TSC2: variants seen among roughly 807,000 people sequenced by gnomAD.
TSC2 encodes the protein TSC complex subunit 2.
In TSC2, 29 loss-of-function variants were observed where a neutral mutation model predicts 202.2. The ratio of observed to expected loss-of-function variants is 0.14; its 90% CI spans 0.11 to 0.20. TSC2 has a LOEUF of 0.20. TSC2 is among the 10% of genes least tolerant of loss of function. The pLI, the probability that TSC2 is intolerant of heterozygous loss-of-function variation, is 1.00. For synonymous variants in TSC2, 1,349 were observed against 1,044.0 expected, an observed-to-expected ratio of 1.29 and a Z score of -5.63; for missense variants, 2,429 against 2,420.0, an observed-to-expected ratio of 1.00 and a Z score of -0.08.
chr16:2,082,387 T>G (rs1567513431), intron 31 of TSC2, 49 bp from the exon 32 acceptor site: 2 of 1,601,798 alleles, frequency 1.2e-6, no homozygotes, highest in South Asian at 2.2e-5. Context: ...TCGACCTGTG[T>G]GTAGCCCCTC....
chr16:2,055,339 G>T (rs1596270045), intron 5 of TSC2, 63 bp from the exon 6 acceptor site: 5 of 1,275,692 alleles, frequency 3.9e-6, no homozygotes, highest in Non-Finnish European at 5.7e-6. Context: ...TGCGGCGGGA[G>T]GGGGAGGTGA....
chr16:2,088,976 C>CCTAG lies in TSC2; in HGVS notation c.*367_*370dup, dbSNP rs1258541403. The CCTAG allele has an allele frequency of 3.3e-6, 1 of 306,956 alleles. No individual in the cohort carries two copies. The highest frequency in any genetic ancestry group is 4.8e-5 in the Admixed American group (1 of 20,940). 19.0% of individuals were successfully genotyped at this position (306,956 alleles called of 1,614,324 possible). A position where few individuals can be genotyped will look rare whatever the true frequency, so the allele number is the denominator to read the frequency against. On this transcript the variant is annotated 3_prime_UTR_variant, in exon 42 of 42. Transcript: ENST00000219476. ...AACCACCCTGGGGTCCTCTGACATG[C>CCTAG]CTAGTCCTGCTACTTGCCCAGACCT...
chr16:2,057,096 G>T lies in TSC2; in HGVS notation c.775-9G>T, dbSNP rs1596280442. 6.4e-7 allele frequency: 1 copy of T among 1,551,200 alleles called. No homozygotes were observed. The highest frequency in any genetic ancestry group is 1.2e-5 in the South Asian group (1 of 84,072). ...CCTGCCAGCCCCTGACACGCATTGT[G>T]TCTCGCAGCTGATGCGGAACCTCCT... On this transcript the variant is annotated splice_polypyrimidine_tract_variant and intron_variant, in intron 8 of 41. Transcript: ENST00000219476.
At chr16:2,048,372 A>G in intron 1 of TSC2, 1 of 844,640 alleles carries the variant, frequency 1.2e-6, no homozygotes, top group Non-Finnish European at 2.0e-6. Context: ...GCGTCTGAGT[A>G]GAGAGCTCTC....
chr16:2,055,834 T>C (rs943307167), intron 6 of TSC2: 1 of 452,950 alleles, frequency 2.2e-6, no homozygotes, highest in Non-Finnish European at 4.0e-6. Context: ...GAGGTTGCAG[T>C]GAGCGGAGAT....
intron 15 of TSC2, 155 bp downstream of exon 15, chr16:2,064,582 T>C: frequency 9.1e-7 from 1 of 1,095,368 alleles, no homozygotes; most frequent in Non-Finnish European, 1.3e-6. Context: ...CCGAGGCCTG[T>C]GCAGGGCCTG....
At position 2,089,118 on chromosome 16, in the gene TSC2, C is replaced by T. The variant is rs1383841911; in HGVS notation, c.*508C>T. 1.7e-5 allele frequency: 3 copies of T among 174,250 alleles called. No homozygotes were observed. The highest frequency in any genetic ancestry group is 3.7e-5 in the Non-Finnish European group (3 of 81,178). 10.8% of individuals were successfully genotyped at this position (174,250 alleles called of 1,614,324 possible). ...GACAGCTGTGCCCCCAGCACCGGCC[C>T]AAGGCCAAGCTCGCATCCAAGCAGC... is the stretch of plus-strand genomic sequence containing the variant. On this transcript the variant is annotated 3_prime_UTR_variant, in exon 42 of 42. Coordinates refer to ENST00000219476, the MANE Select transcript of TSC2 (RefSeq NM_000548.5).
In TSC2 at chr16:2,063,345, G is replaced by C. The variant is rs546969200; in HGVS notation, c.1443+292G>C. 377 of 556,682 alleles carry C rather than the reference G, an allele frequency of 6.8e-4. 4 individuals carry two copies. In the Middle Eastern group the frequency reaches 7.8e-3, roughly 12 times the overall value. The allele number at this position is 556,682 out of a possible 1,614,324, so 34.5% of individuals were successfully genotyped here. A position where few individuals can be genotyped will look rare whatever the true frequency, so the allele number is the denominator to read the frequency against. On this transcript the variant is annotated intron_variant, in intron 14 of 41. Transcript: ENST00000219476. ...AACACAGGAGCCTCTTAAAAATTCT[G>C]TGTGAGTTCGTTTCAGCCAGTCTTG...
Position 2,064,425 on chromosome 16 carries a change from A to G in TSC2, c.1597A>G (p.Lys533Glu). 6.2e-7 allele frequency: 1 copy of G among 1,613,412 alleles called. No homozygotes were observed. The highest frequency in any genetic ancestry group is 8.5e-7 in the Non-Finnish European group (1 of 1,180,012). Residue 533 changes from lysine to glutamate, a missense_variant and splice_region_variant, in exon 15 of 42, where the codon AAG (lysine) becomes GAG (glutamate). Lys to Glu is a moderately conservative substitution (Grantham distance 56). Coordinates refer to ENST00000219476, the MANE Select transcript of TSC2 (RefSeq NM_000548.5). ...CAACAGCCTGCTGGACATCATCGAG[A>G]AGGTGAGAGCCGTTGTACCCGGGGC... ...HFNSLLDIIE[K>E]VMARSLSPPP...
rs1238527126 is a variant in TSC2 at position 2,079,678 on chromosome 16, T to TG, written c.3397+11dup. Reference sequence around the variant, plus strand: ...GGTCCGTTCCATGTCGGGTGAGCCTTGGCCCCAGCCACCTCCACACAGGCA... The same window carrying TG: ...GGTCCGTTCCATGTCGGGTGAGCCTTGGGCCCCAGCCACCTCCACACAGGCA... On this transcript the variant is annotated intron_variant, in intron 29 of 41. Transcript: ENST00000219476. This position sits in a 1 kb window ranked among gnomAD's most constrained non-coding sequence, Gnocchi z 4.6. 4 of 1,574,922 alleles carry TG rather than the reference T, an allele frequency of 2.5e-6. No homozygotes were observed. The highest frequency in any genetic ancestry group is 3.4e-6 in the Non-Finnish European group (4 of 1,161,528).
At position 2,077,852 on chromosome 16, in the gene TSC2, G is replaced by A. The variant is rs2089623209; in HGVS notation, c.2966+126G>A. The A allele has an allele frequency of 5.3e-6, 8 of 1,520,208 alleles. No homozygotes were observed. The African/African-American group carries it at 1.1e-4, about 21-fold the overall frequency. The allele number at this position is 1,520,208 out of a possible 1,614,324, so 94.2% of individuals were successfully genotyped here. ...CCGTGTCCTCCCTGGCCAGCCCAGG[G>A]GGAGCCGGTGACGAGGGGTGGAAAG... On this transcript the variant is annotated intron_variant, in intron 26 of 41. Transcript: ENST00000219476.
intron 11 of TSC2, chr16:2,061,561 A>G: frequency 2.2e-6 from 1 of 456,108 alleles, no homozygotes; most frequent in Non-Finnish European, 4.1e-6. Flanking sequence ...GGCACAGCCA[A>G]GATTCCTTGG....
At chr16:2,054,120 C>T (rs888011502) in intron 4 of TSC2, 176 bp from the exon 5 acceptor site, 1 of 1,001,774 alleles carries the variant, frequency 1.0e-6, no homozygotes, top group African/African-American at 1.6e-5. Context: ...GCCGGTGCAT[C>T]CGGCCCCCTG....
At chr16:2,082,255 A>C (rs911203827) in intron 31 of TSC2, 181 bp from the exon 32 acceptor site, 1 of 681,776 alleles carries the variant, frequency 1.5e-6, no homozygotes, top group Non-Finnish European at 2.6e-6. Context: ...GGGAGGAGGG[A>C]GGCACTGCCC....
intron 5 of TSC2, 161 bp from the exon 6 acceptor site, chr16:2,055,241 C>T: frequency 1.4e-6 from 1 of 712,386 alleles, no homozygotes; most frequent in Admixed American, 2.0e-5. Flanking sequence ...TCCCCTGAGC[C>T]TCTTCGGGCC....
chr16:2,075,303 G>A (rs1055948235), intron 22 of TSC2: 15 of 165,412 alleles, frequency 9.1e-5, no homozygotes, highest in Middle Eastern at 3.2e-3. Flanking sequence ...CGAGGCAGGC[G>A]GATCATGAGG....
intron 25 of TSC2, among the ~76,000 whole-genome samples, chr16:2,077,151 A>G (rs2089505783): frequency 6.6e-6 from 1 of 152,318 alleles, no homozygotes. Context: ...CATTACGGCC[A>G]GAGACTACTT....
At chr16:2,054,479 A>G in intron 5 of TSC2, 39 bp downstream of exon 5, 3 of 1,613,376 alleles carry the variant, frequency 1.9e-6, no homozygotes, top group Non-Finnish European at 2.5e-6. Flanking sequence ...TCTGGCCTTG[A>G]CGATCAAGTG....
intron 3 of TSC2, among the ~76,000 whole-genome samples, chr16:2,052,838 T>C (rs2085297961): frequency 1.3e-5 from 2 of 152,152 alleles, no homozygotes; most frequent in Admixed American, 1.3e-4. Flanking sequence ...GCAGCGCTCT[T>C]TCTCAGCAGG....
Sources: gnomAD v4.1 joint callset for allele counts (sites outside exome capture counted in the v4.1 genomes callset) on GRCh38, gnomAD v4.1.1 for gene constraint, Gnocchi (gnomAD v3.1) non-coding constraint, MANE v1.5 for transcripts, NCBI Gene and HGNC (gene_info 2026-07-23, HGNC 2026-07-21) for gene names.